RGS9: variants seen among roughly 807,000 people sequenced by gnomAD.
RGS9 encodes regulator of G protein signaling 9, also known as regulator of G-protein signalling 9.
Under a neutral mutation model 102.0 loss-of-function variants are expected in RGS9, and 78 were observed. That is an observed-to-expected ratio of 0.76 (90% confidence interval 0.64 to 0.92). The LOEUF is 0.92. RGS9 is among the 40% of genes least tolerant of loss of function. RGS9 has a pLI of 0.00. For synonymous variants in RGS9, 353 were observed against 318.6 expected (o/e 1.11, Z -1.15); for missense variants, 833 against 866.1 (o/e 0.96, Z 0.48).
rs574280425 is a variant in RGS9, at chr17:65,217,295, T to C, written c.1407+6690T>C. 2.0e-5 allele frequency among the ~76,000 whole-genome samples: 3 copies of C among 152,364 alleles called. No homozygotes were observed. The South Asian group carries it at 6.2e-4, about 32-fold the overall frequency. On this transcript the variant is annotated intron_variant, in intron 17 of 18. Coordinates refer to ENST00000262406, the MANE Select transcript of RGS9 (RefSeq NM_003835.4). ...GCTCCACCTCCATCTCATCCCCTGC[T>C]GTGGACCTGGGAGTCCCTCCTGGCC...
intron 8 of RGS9, among the ~76,000 whole-genome samples, chr17:65,176,611 G>T (rs1203994963): frequency 7.9e-5 from 12 of 152,214 alleles, no homozygotes; most frequent in Admixed American, 7.9e-4. Flanking sequence ...ACTGTGGGAA[G>T]AGTCAGGAAG....
rs777722406 is a variant in RGS9, at chr17:65,210,570, G to A, written c.1372G>A (p.Ala458Thr). The change falls in exon 17 of 19, where the codon GCC becomes ACC. Residue 458 changes from alanine (A) to threonine (T), a missense_variant. Physicochemically the swap from Ala to Thr is moderately conservative, Grantham distance 58. Transcript: ENST00000262406. ...GAGACAGCTGGAAGAGGAAGCCAAG[G>A]CCCGAGAAGCAGCCAACACTGTGGA... ...ILRQLEEEAKAREAANTVDIT... is the reference protein window; with the variant it reads ...ILRQLEEEAKTREAANTVDIT... 31 of 1,613,912 alleles carry A rather than the reference G, an allele frequency of 1.9e-5. No individual in the cohort carries two copies. In the East Asian group the frequency reaches 6.5e-4, roughly 34 times the overall value.
intron 1 of RGS9, among the ~76,000 whole-genome samples, chr17:65,141,311 A>G (rs1598550984): frequency 6.6e-6 from 1 of 152,136 alleles, no homozygotes; most frequent in East Asian, 1.9e-4. Flanking sequence ...GGGATGGCCC[A>G]TTCCCCTCTG....
intron 17 of RGS9, among the ~76,000 whole-genome samples, chr17:65,221,236 G>A (rs189870938): frequency 5.9e-5 from 9 of 152,254 alleles, no homozygotes; most frequent in Non-Finnish European, 1.0e-4. Flanking sequence ...GAGATGGACC[G>A]AGAGAGGTAG....
At chr17:65,217,172 C>A (rs1288639171) in intron 17 of RGS9, among the ~76,000 whole-genome samples, 2 of 152,130 alleles carry the variant, frequency 1.3e-5, no homozygotes, top group African/African-American at 4.8e-5. Flanking sequence ...AGTCCCTGGG[C>A]ACCCTTCCAC....
chr17:65,176,046 A>G (rs1270712759), intron 8 of RGS9, among the ~76,000 whole-genome samples: 1 of 152,236 alleles, frequency 6.6e-6, no homozygotes, highest in Non-Finnish European at 1.5e-5. Flanking sequence ...TTTGATGGCA[A>G]GAAAGCCCAG....
Position 65,202,062 on chromosome 17 carries a change from A to G in RGS9, c.1046A>G (p.Lys349Arg). 1 of 1,613,258 alleles carries G rather than the reference A, an allele frequency of 6.2e-7. No homozygotes were observed. The highest frequency in any genetic ancestry group is 8.5e-7 in the Non-Finnish European group (1 of 1,179,304). The change falls in exon 14 of 19, where the codon AAA becomes AGA. Residue 349 changes from lysine (K) to arginine (R), a missense_variant. Around this residue, in one of 3 missense-constraint regions of RGS9, gnomAD observed 185 missense variants for 248.7 expected, o/e 0.74. Transcript: ENST00000262406. ...KYGDQSKVKE[K>R]AEEIYKLFLA... ...GGAGATCAGTCCAAAGTCAAGGAGAAAGCAGAGGAGATTTACAAGTGAGCA... is the reference window on the plus strand; with the variant it reads ...GGAGATCAGTCCAAAGTCAAGGAGAGAGCAGAGGAGATTTACAAGTGAGCA...
intron 8 of RGS9, among the ~76,000 whole-genome samples, chr17:65,170,266 C>T (rs1333104688): frequency 1.3e-5 from 2 of 151,934 alleles, no homozygotes; most frequent in African/African-American, 2.4e-5. Flanking sequence ...TGTTGGTCAG[C>T]CTAGTCTTGA....
chr17:65,168,850 T>C (rs537555689), intron 8 of RGS9, among the ~76,000 whole-genome samples: 16 of 152,272 alleles, frequency 1.1e-4, no homozygotes, highest in Admixed American at 5.9e-4. Context: ...AGGGACAAGC[T>C]GTACAGAGCT....
chr17:65,147,884 C>A (rs189540831), intron 1 of RGS9, among the ~76,000 whole-genome samples: 36 of 152,132 alleles, frequency 2.4e-4, no homozygotes, highest in African/African-American at 8.7e-4. Flanking sequence ...AGCCACTGTG[C>A]CCGGCCTCTC....
intron 3 of RGS9, 76 bp from the exon 4 acceptor site, chr17:65,160,157 G>T (rs555471927): frequency 8.2e-6 from 9 of 1,101,562 alleles, no homozygotes; most frequent in African/African-American, 6.1e-5. Flanking sequence ...CTGGAGTTTG[G>T]GGTGCCGTGG....
At chr17:65,155,891 A>G (rs1351850824) in intron 2 of RGS9, among the ~76,000 whole-genome samples, 3 of 152,180 alleles carry the variant, frequency 2.0e-5, no homozygotes, top group African/African-American at 4.8e-5. Flanking sequence ...ATGACTGCCC[A>G]CTTTTTGCAC....
intron 18 of RGS9, 53 bp downstream of exon 18, chr17:65,225,539 GC>G: frequency 6.3e-7 from 1 of 1,598,520 alleles, no homozygotes; most frequent in Admixed American, 1.7e-5. Flanking sequence ...GGGTGTGCAG[GC>G]CTCTGCATGT....
intron 2 of RGS9, among the ~76,000 whole-genome samples, chr17:65,155,175 CA>C (rs1362349064): frequency 1.3e-5 from 2 of 152,214 alleles, no homozygotes; most frequent in African/African-American, 4.8e-5. Flanking sequence ...AGAGTGGAAA[CA>C]GGGGGCAGAC....
At chr17:65,192,974 A>G (rs1419889360) in intron 11 of RGS9, among the ~76,000 whole-genome samples, 2 of 152,088 alleles carry the variant, frequency 1.3e-5, no homozygotes, top group Admixed American at 1.3e-4. Context: ...AATGAAATAG[A>G]TACAGAAAGG....
At chr17:65,199,477 C>T (rs1420433836) in intron 13 of RGS9, among the ~76,000 whole-genome samples, 3 of 147,168 alleles carry the variant, frequency 2.0e-5, no homozygotes, top group East Asian at 2.0e-4. Context: ...CATATAACAG[C>T]GCTTCTGTTC....
chr17:65,158,687 A>G (rs1910867397), intron 3 of RGS9: 1 of 416,966 alleles, frequency 2.4e-6, no homozygotes, highest in Non-Finnish European at 4.5e-6. Flanking sequence ...ATAAGGGGAC[A>G]CTAGCAAGAG....
In RGS9 at chr17:65,137,518, T is replaced by C. The variant is rs771999878; in HGVS notation, c.-23T>C. 11 of 1,610,494 alleles carry C rather than the reference T, an allele frequency of 6.8e-6. No homozygotes were observed. Among genetic ancestry groups the C allele is most frequent in the Admixed American group, 6.7e-5 (4 of 60,014 alleles). ...TCTTGTCTCCCACTGGTGCTCTGGC[T>C]GTGAATCCATCCAGGGGCCAGGATG... On this transcript the variant is annotated 5_prime_UTR_variant, in exon 1 of 19. Coordinates refer to ENST00000262406, the MANE Select transcript of RGS9 (RefSeq NM_003835.4).
At position 65,227,511 on chromosome 17, in the gene RGS9, T is replaced by C. The variant is rs538163779; in HGVS notation, c.*104T>C. The C allele has an allele frequency of 8.6e-4, 1,254 of 1,463,816 alleles. No individual in the cohort carries two copies. The highest frequency in any genetic ancestry group is 1.1e-3 in the Non-Finnish European group (1,167 of 1,072,290). 90.7% of individuals were successfully genotyped at this position (1,463,816 alleles called of 1,614,324 possible). ...ACTTGCTCGAGAACCAAAGTGCATT[T>C]GGGTGACATTTGAAGATTGGGGAGA... is the stretch of plus-strand genomic sequence containing the variant. On this transcript the variant is annotated 3_prime_UTR_variant, in exon 19 of 19. Transcript: ENST00000262406.
Sources: gnomAD v4.1 joint callset for allele counts (sites outside exome capture counted in the v4.1 genomes callset) on GRCh38, gnomAD v4.1.1 for gene constraint, gnomAD v4.1.1 regional missense constraint, MANE v1.5 for transcripts, NCBI Gene and HGNC (gene_info 2026-07-23, HGNC 2026-07-21) for gene names.